Variants in EXT2 observed in about 807,000 individuals in gnomAD.
EXT2 encodes the protein exostosin glycosyltransferase 2.
In EXT2, 53 loss-of-function variants were observed where a neutral mutation model predicts 81.6. The observed-to-expected ratio is 0.65, with a 90% CI of 0.52 to 0.82. The LOEUF is 0.82. EXT2 is among the 40% of genes least tolerant of loss of function. EXT2 has a pLI of 0.00. For missense variants in EXT2, 774 were observed against 910.2 expected (o/e 0.85, Z 1.93); for synonymous variants, 320 against 340.0 (o/e 0.94, Z 0.65).
chr11:44,243,885 C>A lies in EXT2; in HGVS notation c.2019-264C>A, dbSNP rs200767053. ...TACTCTGACCTTTGCAGGCCCGTGG[C>A]CTCCAAGCAGCATCTCCTGTTCACG... On this transcript the variant is annotated intron_variant, in intron 13 of 13. Transcript: ENST00000533608. Among the ~76,000 whole-genome samples, 5 of 151,976 alleles carry A rather than the reference C, an allele frequency of 3.3e-5. No individual in the cohort carries two copies. The East Asian group carries it at 7.7e-4, about 23-fold the overall frequency.
intron 10 of EXT2, among the ~76,000 whole-genome samples, chr11:44,221,378 G>A (rs1033667593): frequency 2.0e-5 from 3 of 152,110 alleles, no homozygotes; most frequent in African/African-American, 4.8e-5. Context: ...ATATGAGATC[G>A]TTATTTTAAA....
chr11:44,221,413 T>C (rs1312624296), intron 10 of EXT2, among the ~76,000 whole-genome samples: 1 of 152,204 alleles, frequency 6.6e-6, no homozygotes, highest in Non-Finnish European at 1.5e-5. Context: ...TTTGATGGTT[T>C]AAAGAATATG....
Position 44,245,381 on chromosome 11 carries a change from A to G in EXT2, c.*1094A>G. On this transcript the variant is annotated 3_prime_UTR_variant, in exon 14 of 14. Coordinates refer to ENST00000533608, the MANE Select transcript of EXT2 (RefSeq NM_207122.2). ...TGCTGCTATACAACTGCTTTGCAAC[A>G]GTTGCTGGTATATTTAAATCATTAA... is the stretch of plus-strand genomic sequence containing the variant. The G allele has an allele frequency of 4.9e-6, 1 of 205,610 alleles. No individual in the cohort carries two copies. The highest frequency in any genetic ancestry group is 1.9e-4 in the South Asian group (1 of 5,270). 12.7% of individuals were successfully genotyped at this position (205,610 alleles called of 1,614,324 possible). A position where few individuals can be genotyped will look rare whatever the true frequency, so the allele number is the denominator to read the frequency against.
intron 7 of EXT2, among the ~76,000 whole-genome samples, chr11:44,133,282 T>TA (rs1279898835): frequency 6.6e-6 from 1 of 152,120 alleles, no homozygotes; most frequent in Non-Finnish European, 1.5e-5. Context: ...CAGGAGTAAT[T>TA]AAAAAAATGG....
At chr11:44,232,092 G>T (rs558514105) in intron 10 of EXT2, among the ~76,000 whole-genome samples, 1 of 152,240 alleles carries the variant, frequency 6.6e-6, no homozygotes, top group African/African-American at 2.4e-5. Context: ...GCCCAACTCA[G>T]TAAGCTATTA....
At chr11:44,183,106 A>G (rs1955259222) in intron 8 of EXT2, among the ~76,000 whole-genome samples, 2 of 152,224 alleles carry the variant, frequency 1.3e-5, no homozygotes, top group Admixed American at 6.5e-5. Flanking sequence ...AGTGTCATAT[A>G]AGTAATGTGT....
intron 7 of EXT2, among the ~76,000 whole-genome samples, chr11:44,159,278 A>G (rs969254617): frequency 6.6e-6 from 1 of 151,072 alleles, no homozygotes; most frequent in Non-Finnish European, 1.5e-5. Flanking sequence ...TGGTATTTTC[A>G]TTACATGTAT....
chr11:44,241,612 A>G (rs1956038321), intron 13 of EXT2, among the ~76,000 whole-genome samples: 3 of 152,204 alleles, frequency 2.0e-5, no homozygotes, highest in Non-Finnish European at 4.4e-5. Flanking sequence ...TACTTTAAGT[A>G]ATGGTATGTG....
rs56362857 is a variant in EXT2, at chr11:44,128,414, G to A, written c.1079+1459G>A. Among the ~76,000 whole-genome samples the A allele has an allele frequency of 3.8e-3, 583 of 152,290 alleles. 5 individuals carry two copies. Among genetic ancestry groups the A allele is most frequent in the African/African-American group, 0.014 (561 of 41,554 alleles). On this transcript the variant is annotated intron_variant, in intron 6 of 13. Coordinates refer to ENST00000533608, the MANE Select transcript of EXT2 (RefSeq NM_207122.2). ...TTCCAGCATTTATCTCCCAATGAAAGCATCCATTAAGTACCTTTTATTTAC... is the reference window on the plus strand; with the variant it reads ...TTCCAGCATTTATCTCCCAATGAAAACATCCATTAAGTACCTTTTATTTAC...
intron 10 of EXT2, among the ~76,000 whole-genome samples, chr11:44,221,004 G>A (rs970251154): frequency 6.6e-6 from 1 of 152,198 alleles, no homozygotes; most frequent in African/African-American, 2.4e-5. Context: ...TTACAAGAGA[G>A]TGGCACTTTT....
intron 7 of EXT2, among the ~76,000 whole-genome samples, chr11:44,138,941 A>G (rs1672162064): frequency 2.0e-5 from 3 of 152,176 alleles, no homozygotes; most frequent in Non-Finnish European, 1.5e-5. Context: ...GCAGCATTTA[A>G]GTATTAGAAG....
chr11:44,147,586 A>T (rs548015617), intron 7 of EXT2, among the ~76,000 whole-genome samples: 3 of 152,172 alleles, frequency 2.0e-5, no homozygotes, highest in African/African-American at 7.2e-5. Flanking sequence ...TTTGAGACAG[A>T]GTCCTGCTCT....
chr11:44,096,061 C>G, intron 1 of EXT2: 1 of 661,432 alleles, frequency 1.5e-6, no homozygotes, highest in Non-Finnish European at 2.7e-6. Context: ...ATTTCCACTC[C>G]TGCTTCTCCT....
chr11:44,184,936 T>C (rs1351005322), intron 8 of EXT2, among the ~76,000 whole-genome samples: 1 of 152,188 alleles, frequency 6.6e-6, no homozygotes, highest in Non-Finnish European at 1.5e-5. Context: ...CAGTGCTTGA[T>C]GTTCAAAACA....
At chr11:44,136,710 T>C (rs1954573126) in intron 7 of EXT2, among the ~76,000 whole-genome samples, 1 of 152,194 alleles carries the variant, frequency 6.6e-6, no homozygotes, top group African/African-American at 2.4e-5. Context: ...CTCTTGGGGC[T>C]TTTTAAAAAA....
intron 7 of EXT2, among the ~76,000 whole-genome samples, chr11:44,158,944 A>G (rs1369852755): frequency 6.6e-6 from 1 of 152,058 alleles, no homozygotes; most frequent in Non-Finnish European, 1.5e-5. Flanking sequence ...GAGAAGTCAG[A>G]TGAAATTCTT....
chr11:44,171,606 T>C lies in EXT2; in HGVS notation c.1174-5T>C. On this transcript the variant is annotated splice_region_variant and splice_polypyrimidine_tract_variant and intron_variant, in intron 7 of 13. Transcript: ENST00000533608. ...TCACTTAAAACAGCATTATTTTCTT[T>C]ATAGGCCCGGTGGTTCTGGGAAGCG... 2 of 1,614,198 alleles carry C rather than the reference T, an allele frequency of 1.2e-6. No homozygotes were observed. Among genetic ancestry groups the C allele is most frequent in the Non-Finnish European group, 1.7e-6 (2 of 1,180,034 alleles).
chr11:44,132,018 G>T (rs1003756435), intron 7 of EXT2, among the ~76,000 whole-genome samples: 4 of 152,220 alleles, frequency 2.6e-5, no homozygotes, highest in African/African-American at 7.2e-5. Flanking sequence ...TTATAGGCGT[G>T]AGCCACCACA....
intron 7 of EXT2, among the ~76,000 whole-genome samples, chr11:44,147,344 A>G (rs1954731949): frequency 6.6e-6 from 1 of 152,224 alleles, no homozygotes; most frequent in Admixed American, 6.5e-5. Context: ...CTTGACTAGT[A>G]GGCAGGGCAC....
Sources: gnomAD v4.1 joint callset for allele counts (sites outside exome capture counted in the v4.1 genomes callset) on GRCh38, gnomAD v4.1.1 for gene constraint, MANE v1.5 for transcripts, NCBI Gene and HGNC (gene_info 2026-07-23, HGNC 2026-07-21) for gene names.